Variants in VASP observed in about 807,000 individuals in gnomAD.
VASP encodes vasodilator-stimulated phosphoprotein.
VASP carries 27 observed loss-of-function variants against 54.4 expected under a neutral mutation model. That is an observed-to-expected ratio of 0.50 (90% CI 0.37 to 0.68). The LOEUF is 0.68. VASP is among the 30% of genes least tolerant of loss of function. The pLI, the probability that VASP is intolerant of heterozygous loss-of-function variation, is 0.00. For synonymous variants in VASP, 233 were observed against 209.8 expected, an observed-to-expected ratio of 1.11 and a Z score of -0.96; for missense variants, 488 against 528.3, an observed-to-expected ratio of 0.92 and a Z score of 0.75.
At chr19:45,515,240 C>A (rs555663583) in intron 1 of VASP, among the ~76,000 whole-genome samples, 2 of 152,108 alleles carry the variant, frequency 1.3e-5, no homozygotes, top group Non-Finnish European at 2.9e-5. Context: ...TAATTTCTGT[C>A]CCCGGAAACC....
chr19:45,525,692 T>C (rs1024890468), intron 11 of VASP: 14 of 366,432 alleles, frequency 3.8e-5, no homozygotes, highest in Non-Finnish European at 5.5e-5. Flanking sequence ...GGAGACTCTG[T>C]TTCAAAAAAA....
rs1366796430 is a variant in VASP, at chr19:45,517,951, T to C, written c.200T>C (p.Val67Ala). The C allele has an allele frequency of 6.2e-7, 1 of 1,608,506 alleles. No individual in the cohort carries two copies. ...CAGGTGGTCATCAACTGTGCCATCG[T>C]CCGGGGTGTCAAGTATAACCAGGCC... ...DQQVVINCAIVRGVKYNQATP... is the reference protein window; with the variant it reads ...DQQVVINCAIARGVKYNQATP... The change falls in exon 3 of 13, where the codon GTC becomes GCC. Residue 67 changes from valine to alanine, a missense_variant. Coordinates refer to ENST00000245932, the MANE Select transcript of VASP (RefSeq NM_003370.4).
intron 3 of VASP, 33 bp from the exon 4 acceptor site, chr19:45,521,289 C>T (rs1282666750): frequency 6.5e-7 from 1 of 1,538,858 alleles, no homozygotes; most frequent in South Asian, 1.2e-5. Context: ...AGTTCTGGGA[C>T]TGATCCATGG....
At chr19:45,522,286 G>A in intron 5 of VASP, 54 bp from the exon 6 acceptor site, 2 of 1,614,054 alleles carry the variant, frequency 1.2e-6, no homozygotes, top group South Asian at 2.2e-5. Flanking sequence ...CAGCTGGACA[G>A]TGAAGAATGA....
At chr19:45,521,074 G>C (rs1968820421) in intron 3 of VASP, among the ~76,000 whole-genome samples, 2 of 152,190 alleles carry the variant, frequency 1.3e-5, no homozygotes. Context: ...CTGTTCCCCG[G>C]GCCTTAGCTT....
rs781603382 is a variant in VASP at position 45,522,749 on chromosome 19, C to T, written c.752C>T (p.Pro251Leu). ...QEEASGGPTA[P>L]KAESGRSGGG... Reference sequence around the variant, plus strand: ...GAGGCCTCAGGGGGGCCCACAGCCCCCAAAGCTGAGAGTGGTCGAAGCGGA... The same window carrying T: ...GAGGCCTCAGGGGGGCCCACAGCCCTCAAAGCTGAGAGTGGTCGAAGCGGA... The change falls in exon 7 of 13, where the codon CCC becomes CTC. Residue 251 changes from proline to leucine, a missense_variant. Around this residue, in one of 4 missense-constraint regions of VASP, gnomAD observed 226 missense variants for 196.0 expected, o/e 1.15. Coordinates refer to ENST00000245932, the MANE Select transcript of VASP (RefSeq NM_003370.4). The T allele has an allele frequency of 8.7e-6, 14 of 1,602,590 alleles. No homozygotes were observed. Among genetic ancestry groups the T allele is most frequent in the Admixed American group, 1.8e-5 (1 of 55,554 alleles).
rs1010363297 is a variant in VASP, at chr19:45,517,981, C to G, written c.230C>G (p.Pro77Arg). Residue 77 changes from proline (P) to arginine (R), a missense_variant, in exon 3 of 13, where the codon CCC (proline) becomes CGC (arginine). Transcript: ENST00000245932. ...VRGVKYNQAT[P>R]NFHQWRDARQ... ...GGTGTCAAGTATAACCAGGCCACCC[C>G]CAACTTCCATCAGTGGCGCGACGCT... The G allele has an allele frequency of 1.9e-6, 3 of 1,613,902 alleles. No individual in the cohort carries two copies. Among genetic ancestry groups the G allele is most frequent in the South Asian group, 1.1e-5 (1 of 91,090 alleles).
At chr19:45,523,804 G>T in intron 8 of VASP, 37 bp from the exon 9 acceptor site, 1 of 1,614,082 alleles carries the variant, frequency 6.2e-7, no homozygotes, top group Non-Finnish European at 8.5e-7. Context: ...CAGAGGTGTG[G>T]CAGGGGCTGG....
At chr19:45,523,145 T>C (rs1003637074) in intron 7 of VASP, among the ~76,000 whole-genome samples, 7 of 147,386 alleles carry the variant, frequency 4.7e-5, no homozygotes, top group African/African-American at 1.0e-4. Context: ...AATATAAGAA[T>C]CATAGAACCT....
intron 7 of VASP, 112 bp from the exon 8 acceptor site, chr19:45,523,532 G>T: frequency 7.9e-7 from 1 of 1,262,294 alleles, no homozygotes; most frequent in South Asian, 1.4e-5. Context: ...AGTTTCCTTA[G>T]GTTTTCGGAG....
chr19:45,524,038 A>G lies in VASP; in HGVS notation c.911-59A>G, dbSNP rs1968904685. 3.1e-6 allele frequency: 5 copies of G among 1,611,116 alleles called. No individual in the cohort carries two copies. The East Asian group carries it at 1.1e-4, about 36-fold the overall frequency. On this transcript the variant is annotated intron_variant, in intron 9 of 12. Coordinates refer to ENST00000245932, the MANE Select transcript of VASP (RefSeq NM_003370.4). ...AGGGGCTGATGAGGTTGGGGGAGTA[A>G]GATTGATTGGGGGGCAGTCTTTTGT...
In VASP at chr19:45,522,438, G is replaced by A. The variant is rs1255492059; in HGVS notation, c.577G>A (p.Val193Ile). 2 of 1,519,082 alleles carry A rather than the reference G, an allele frequency of 1.3e-6. No homozygotes were observed. The highest frequency in any genetic ancestry group is 2.4e-5 in the East Asian group (1 of 40,880). The allele number at this position is 1,519,082 out of a possible 1,614,324, so 94.1% of individuals were successfully genotyped here. ...PPPPGLPPSG[V>I]PAAAHGAGGG... ...ACCCCCAGGTTTGCCCCCTTCGGGG[G>A]TCCCAGCTGCAGCGCACGGAGCAGG... Residue 193 changes from valine to isoleucine, a missense_variant, in exon 6 of 13, where the codon GTC (valine) becomes ATC (isoleucine). This residue lies in a region of VASP where 226 missense variants were observed against 196.0 expected (regional missense o/e 1.15). Coordinates refer to ENST00000245932, the MANE Select transcript of VASP (RefSeq NM_003370.4).
At position 45,524,578 on chromosome 19, in the gene VASP, C is replaced by G; in HGVS notation, c.965C>G (p.Ser322Trp). 1.2e-6 allele frequency: 2 copies of G among 1,613,940 alleles called. No individual in the cohort carries two copies. Among genetic ancestry groups the G allele is most frequent in the South Asian group, 2.2e-5 (2 of 91,046 alleles). ...KNSTTLPRMK[S>W]SSSVTTSETQ... Reference sequence around the variant, plus strand: ...CACACCAACTCCCCCAGGATGAAGTCGTCTTCTTCGGTGACCACTTCCGAG... The same window carrying G: ...CACACCAACTCCCCCAGGATGAAGTGGTCTTCTTCGGTGACCACTTCCGAG... The change falls in exon 11 of 13, where the codon TCG (serine) becomes TGG (tryptophan). Residue 322 changes from serine to tryptophan, a missense_variant. By Grantham distance (177) the Ser-to-Trp change is radical. Coordinates refer to ENST00000245932, the MANE Select transcript of VASP (RefSeq NM_003370.4).
intron 4 of VASP, 150 bp downstream of exon 4, chr19:45,521,556 G>A (rs1968834561): frequency 4.3e-6 from 3 of 701,380 alleles, no homozygotes; most frequent in Non-Finnish European, 7.1e-6. Context: ...AGAACCTCCT[G>A]GTCCCTGCAG....
intron 1 of VASP, among the ~76,000 whole-genome samples, chr19:45,515,262 A>C (rs934886573): frequency 6.6e-6 from 1 of 151,852 alleles, no homozygotes; most frequent in East Asian, 2.0e-4. Flanking sequence ...CTGACCACCA[A>C]CTTCCCCATT....
At chr19:45,524,938 C>T in intron 11 of VASP, 1 of 349,092 alleles carries the variant, frequency 2.9e-6, no homozygotes, top group East Asian at 6.1e-5. Context: ...TTGGAGTTGG[C>T]AGGAGGCTGG....
rs1044406895 is a variant in VASP, at chr19:45,525,932, C to T, written c.1048-14C>T. On this transcript the variant is annotated splice_polypyrimidine_tract_variant and intron_variant, in intron 11 of 12. Coordinates refer to ENST00000245932, the MANE Select transcript of VASP (RefSeq NM_003370.4). ...GGTACCCCCTCCTGATTAGTTTTAC[C>T]CCATTAATTTTAGGAGCTTCTGGAA... 5 of 1,611,880 alleles carry T rather than the reference C, an allele frequency of 3.1e-6. No homozygotes were observed. Among genetic ancestry groups the T allele is most frequent in the Non-Finnish European group, 4.2e-6 (5 of 1,179,422 alleles).
chr19:45,518,063 C>G lies in VASP; in HGVS notation c.312C>G (p.Ala104=). Residue 104 remains alanine (A), a synonymous_variant, in exon 3 of 13, where the codon GCC becomes GCG. Coordinates refer to ENST00000245932, the MANE Select transcript of VASP (RefSeq NM_003370.4). ...AGGAGGATGCGGCCCAGTTTGCCGC[C>G]GGCATGGCCAGTGCCCTAGAGGCGT... ...GSKEDAAQFA[A]GMASALEALE... The G allele has an allele frequency of 6.2e-7, 1 of 1,613,758 alleles. No homozygotes were observed. Among genetic ancestry groups the G allele is most frequent in the South Asian group, 1.1e-5 (1 of 91,072 alleles).
chr19:45,516,993 A>G (rs1451741343), intron 1 of VASP, among the ~76,000 whole-genome samples: 1 of 148,004 alleles, frequency 6.8e-6, no homozygotes, highest in African/African-American at 2.5e-5. Flanking sequence ...CAAAAAAAAA[A>G]AAAAAAAAAA....
Sources: allele counts gnomAD v4.1 joint callset (sites outside exome capture counted in the v4.1 genomes callset), GRCh38; gene constraint gnomAD v4.1.1; regional missense constraint gnomAD v4.1.1; transcripts MANE v1.5; gene names NCBI Gene and HGNC (gene_info 2026-07-23, HGNC 2026-07-21).